Variants in ACKR3 observed in about 807,000 individuals in gnomAD.
ACKR3 encodes C-X-C chemokine receptor type 7.
In ACKR3, 6 loss-of-function variants were observed where a neutral mutation model predicts 22.4. The ratio of observed to expected loss-of-function variants is 0.27; its 90% CI spans 0.15 to 0.53. ACKR3 has a LOEUF of 0.53. ACKR3 is among the 20% of genes least tolerant of loss of function. ACKR3 has a pLI of 0.96. For missense variants in ACKR3, 396 were observed against 475.2 expected (o/e 0.83, Z 1.55); for synonymous variants, 209 against 205.2 (o/e 1.02, Z -0.16).
At chr2:236,575,605 C>CTGTGGGTGTGTGTGTG in intron 1 of ACKR3, among the ~76,000 whole-genome samples, 1 of 63,072 alleles carries the variant, frequency 1.6e-5, no homozygotes, top group African/African-American at 1.2e-4. Flanking sequence ...TGGGGTTGTG[C>CTGTGGGTGTGTGTGTG]TCTGTGTGTG....
At chr2:236,556,828 A>C in the ACKR3 span, among the ~76,000 whole-genome samples, 1 of 152,182 alleles carries the variant, frequency 6.6e-6, no homozygotes, top group Non-Finnish European at 1.5e-5. Context: ...AGCTGAGATC[A>C]CAGTGCCCAC....
At chr2:236,553,135 G>A in the ACKR3 span, among the ~76,000 whole-genome samples, 3 of 152,310 alleles carry the variant, frequency 2.0e-5, no homozygotes, top group East Asian at 5.8e-4. Flanking sequence ...AGTTGCCTGC[G>A]GTTGGCTGCT....
the ACKR3 span, among the ~76,000 whole-genome samples, chr2:236,553,148 G>C: frequency 1.3e-5 from 2 of 152,164 alleles, no homozygotes; most frequent in African/African-American, 4.8e-5. Flanking sequence ...TGGCTGCTTT[G>C]CAGTGCACCC....
At chr2:236,556,211 T>C in the ACKR3 span, among the ~76,000 whole-genome samples, 1 of 151,948 alleles carries the variant, frequency 6.6e-6, no homozygotes, top group East Asian at 1.9e-4. Context: ...ACCAGGAACT[T>C]GGAGGAGTTG....
At chr2:236,573,190 G>GCACACACACA (rs147207140) in intron 1 of ACKR3, among the ~76,000 whole-genome samples, 2 of 151,208 alleles carry the variant, frequency 1.3e-5, no homozygotes, top group African/African-American at 4.8e-5. Flanking sequence ...ACACACACAT[G>GCACACACACA]CACACACACA....
the ACKR3 span, among the ~76,000 whole-genome samples, chr2:236,546,748 C>T: frequency 2.6e-5 from 4 of 152,176 alleles, no homozygotes; most frequent in Non-Finnish European, 4.4e-5. The surrounding 1 kb of genome is among the most constrained non-coding windows in gnomAD (Gnocchi z 4.9). Context: ...GGGGACTGGG[C>T]GACCCAGCCC....
At chr2:236,564,978 A>G (rs151092034), upstream of ACKR3, among the ~76,000 whole-genome samples, 635 of 152,352 alleles carry the variant, frequency 4.2e-3, 2 homozygotes, top group African/African-American at 0.014. Flanking sequence ...ATGGGAAAAC[A>G]TGAACACTCA....
At position 236,580,326 on chromosome 2, in the gene ACKR3, C is replaced by T. The variant is rs1215367610; in HGVS notation, c.-26-114C>T. The stretch of plus-strand genomic sequence containing the variant: ...TGCAAAGACATTACAGAGCTAAACC[C>T]AAACAGCTGAGCCTATCAGGGCCTT... On this transcript the variant is annotated intron_variant, in intron 1 of 1. Coordinates refer to ENST00000272928, the MANE Select transcript of ACKR3 (RefSeq NM_020311.3). 1.3e-5 allele frequency: 15 copies of T among 1,129,950 alleles called. 1 individual carries two copies. The Admixed American group carries it at 1.4e-4, about 10-fold the overall frequency. 70.0% of individuals were successfully genotyped at this position (1,129,950 alleles called of 1,614,324 possible).
the ACKR3 span, among the ~76,000 whole-genome samples, chr2:236,554,846 A>G: frequency 3.3e-5 from 5 of 152,248 alleles, no homozygotes; most frequent in Middle Eastern, 3.2e-3. Flanking sequence ...CTGGCATAGT[A>G]GAAATAGTTA....
At chr2:236,546,764 C>T in the ACKR3 span, among the ~76,000 whole-genome samples, 2 of 152,228 alleles carry the variant, frequency 1.3e-5, no homozygotes. This position sits in a 1 kb window ranked among gnomAD's most constrained non-coding sequence, Gnocchi z 4.9. Flanking sequence ...AGCCCACTGG[C>T]AGGAAGGGCA....
rs192425071 is a variant in ACKR3, at chr2:236,574,995, G to A, written c.-27+5071G>A. The stretch of plus-strand genomic sequence containing the variant: ...CTCCCTGTCACTGCAACGTGCGACA[G>A]GGCCGCTAAAAAGGTGACCCCTGTA... On this transcript the variant is annotated intron_variant, in intron 1 of 1. Coordinates refer to ENST00000272928, the MANE Select transcript of ACKR3 (RefSeq NM_020311.3). This position sits in a 1 kb window ranked among gnomAD's most constrained non-coding sequence, Gnocchi z 5.6. Among the ~76,000 whole-genome samples the A allele has an allele frequency of 1.3e-5, 2 of 152,122 alleles. No homozygotes were observed. The highest frequency in any genetic ancestry group is 2.9e-5 in the Non-Finnish European group (2 of 68,040).
At chr2:236,543,538 A>T in the ACKR3 span, among the ~76,000 whole-genome samples, 22 of 152,162 alleles carry the variant, frequency 1.4e-4, no homozygotes, top group African/African-American at 5.3e-4. Flanking sequence ...ATATGTCGTG[A>T]GTCCCAATCC....
the ACKR3 span, among the ~76,000 whole-genome samples, chr2:236,562,604 C>T: frequency 6.6e-6 from 1 of 152,020 alleles, no homozygotes; most frequent in East Asian, 1.9e-4. Context: ...ATTCACATTC[C>T]TACCTCCAGG....
chr2:236,546,955 C>G, the ACKR3 span, among the ~76,000 whole-genome samples: 1 of 152,248 alleles, frequency 6.6e-6, no homozygotes, highest in African/African-American at 2.4e-5. The surrounding 1 kb of genome is among the most constrained non-coding windows in gnomAD (Gnocchi z 4.9). Flanking sequence ...ATCAATGCAG[C>G]ATTGGCCCTG....
chr2:236,557,210 A>G, the ACKR3 span, among the ~76,000 whole-genome samples: 1 of 152,058 alleles, frequency 6.6e-6, no homozygotes, highest in Non-Finnish European at 1.5e-5. Flanking sequence ...GTGGGAACCA[A>G]TTACTGTTAA....
chr2:236,566,371 C>T (rs527638069), upstream of ACKR3, among the ~76,000 whole-genome samples: 1 of 152,292 alleles, frequency 6.6e-6, no homozygotes, highest in African/African-American at 2.4e-5. Context: ...GCGTCCTGTT[C>T]GTGCCTTCTC....
the ACKR3 span, among the ~76,000 whole-genome samples, chr2:236,554,179 G>A: frequency 6.6e-6 from 1 of 152,166 alleles, no homozygotes; most frequent in African/African-American, 2.4e-5. Context: ...GTAAGACATA[G>A]TCCCTTAACT....
upstream of ACKR3, among the ~76,000 whole-genome samples, chr2:236,563,672 G>C (rs1365268928): frequency 6.6e-6 from 1 of 152,174 alleles, no homozygotes. Context: ...GGTCAAAATT[G>C]ACATGAGAGA....
chr2:236,538,067 A>G, the ACKR3 span, among the ~76,000 whole-genome samples: 1 of 152,196 alleles, frequency 6.6e-6, no homozygotes, highest in African/African-American at 2.4e-5. Flanking sequence ...ACAGGTCTTG[A>G]TTCAAAGAGG....
Sources: gnomAD v4.1 joint callset for allele counts (sites outside exome capture counted in the v4.1 genomes callset) on GRCh38, gnomAD v4.1.1 for gene constraint, Gnocchi (gnomAD v3.1) non-coding constraint, MANE v1.5 for transcripts, NCBI Gene and HGNC (gene_info 2026-07-23, HGNC 2026-07-21) for gene names.